NOL4L: variants seen among roughly 807,000 people sequenced by gnomAD.
NOL4L encodes nucleolar protein 4-like.
NOL4L carries 7 observed loss-of-function variants against 64.5 expected under a neutral mutation model. That is an observed-to-expected ratio of 0.11 (90% CI 0.06 to 0.20). NOL4L has a LOEUF of 0.20. Among genes scored for constraint, NOL4L ranks in the 10% least tolerant of loss-of-function variants. The probability of loss-of-function intolerance (pLI) is 1.00; values close to 1 mark genes in which losing one functional copy is unlikely to be tolerated. For synonymous variants in NOL4L, 413 were observed against 401.0 expected, an observed-to-expected ratio of 1.03 and a Z score of -0.36; for missense variants, 680 against 967.1, an observed-to-expected ratio of 0.70 and a Z score of 3.94.
At chr20:32,581,193 T>C (rs1307516804) in intron 1 of NOL4L, among the ~76,000 whole-genome samples, 1 of 152,162 alleles carries the variant, frequency 6.6e-6, no homozygotes, top group African/African-American at 2.4e-5. Flanking sequence ...CACCTTCTAC[T>C]TCCTGTGACA....
At position 32,511,434 on chromosome 20, in the gene NOL4L, C is replaced by G. The variant is rs767404361; in HGVS notation, c.612G>C (p.Leu204=). ...TGTTGTAATCAATAATCCCAGAGACCAGTGGAGATGGAGGCTCGTTTTCTG... is the reference window on the plus strand; with the variant it reads ...TGTTGTAATCAATAATCCCAGAGACGAGTGGAGATGGAGGCTCGTTTTCTG... ...EPKENEPPSP[L]VSGIIDYNMP... The change falls in exon 4 of 11, where the codon CTG becomes CTC. Residue 204 remains leucine (L), a synonymous_variant. Transcript: ENST00000621426. 1.3e-6 allele frequency: 2 copies of G among 1,550,124 alleles called. No individual in the cohort carries two copies. Among genetic ancestry groups the G allele is most frequent in the Non-Finnish European group, 1.7e-6 (2 of 1,146,756 alleles).
rs562182267 is a variant in NOL4L, at chr20:32,560,927, G to A, written c.321+23643C>T. On this transcript the variant is annotated intron_variant, in intron 1 of 10. Coordinates refer to ENST00000621426, the MANE Select transcript of NOL4L (RefSeq NM_001256798.2). ...TTCTCACGCAGTGCCTGCCGGAGGG[G>A]CCTCATGTCCCCAGCAGGGCCGGAG... Among the ~76,000 whole-genome samples the A allele has an allele frequency of 7.9e-5, 12 of 152,372 alleles. No homozygotes were observed. In the South Asian group the frequency reaches 2.5e-3, roughly 32 times the overall value.
rs1446775542 is a variant in NOL4L, at chr20:32,557,597, A to C, written c.321+26973T>G. On this transcript the variant is annotated intron_variant, in intron 1 of 10. Coordinates refer to ENST00000621426, the MANE Select transcript of NOL4L (RefSeq NM_001256798.2). ...GGGCAGGGGGCAAACTCAGACAATG[A>C]CTAGTTCCTCCTAGCGCTAAAAATG... 2.0e-5 allele frequency among the ~76,000 whole-genome samples: 3 copies of C among 152,192 alleles called. No homozygotes were observed. The South Asian group carries it at 6.2e-4, about 32-fold the overall frequency.
chr20:32,484,396 T>G (rs1360088767), intron 4 of NOL4L, among the ~76,000 whole-genome samples: 1 of 138,254 alleles, frequency 7.2e-6, no homozygotes, highest in Non-Finnish European at 1.6e-5. Context: ...CGGCTGCCCC[T>G]CCGCGCCCCT....
chr20:32,520,933 G>A lies in NOL4L; in HGVS notation c.478-11C>T. The A allele has an allele frequency of 6.5e-7, 1 of 1,535,642 alleles. No homozygotes were observed. Among genetic ancestry groups the A allele is most frequent in the South Asian group, 1.2e-5 (1 of 83,440 alleles). ...ATAGGTCTCTGCGATCTGGAGGAGA[G>A]AAGAGCTTCGCTTGTTATATGGATC... On this transcript the variant is annotated splice_polypyrimidine_tract_variant and intron_variant, in intron 2 of 10. Transcript: ENST00000621426.
intron 1 of NOL4L, among the ~76,000 whole-genome samples, chr20:32,583,151 G>A (rs990638360): frequency 6.6e-6 from 1 of 151,752 alleles, no homozygotes; most frequent in Non-Finnish European, 1.5e-5. Context: ...GCCGCAGCGC[G>A]GTTATCAGCG....
At chr20:32,502,922 T>A (rs2145540556) in intron 4 of NOL4L, among the ~76,000 whole-genome samples, 1 of 151,890 alleles carries the variant, frequency 6.6e-6, no homozygotes, top group African/African-American at 2.4e-5. Flanking sequence ...AAATAAAAAA[T>A]AAACATAAAA....
intron 1 of NOL4L, among the ~76,000 whole-genome samples, chr20:32,540,353 A>G (rs998503720): frequency 6.6e-6 from 1 of 152,238 alleles, no homozygotes; most frequent in African/African-American, 2.4e-5. Flanking sequence ...TGTGACTGTC[A>G]CACACAGTTA....
intron 5 of NOL4L, among the ~76,000 whole-genome samples, chr20:32,466,642 G>C (rs1271597003): frequency 7.4e-6 from 1 of 135,022 alleles, no homozygotes; most frequent in Non-Finnish European, 1.5e-5. Flanking sequence ...AACAGCTCTT[G>C]CTCCTGGGGT....
chr20:32,514,506 G>A (rs67918653), intron 3 of NOL4L, among the ~76,000 whole-genome samples: 38,734 of 150,984 alleles, frequency 0.26, 6,327 homozygotes, highest in East Asian at 0.76. Flanking sequence ...AAAAAAAAAA[G>A]TAAATGTCAC....
intron 1 of NOL4L, among the ~76,000 whole-genome samples, chr20:32,574,081 C>T (rs1979932290): frequency 6.6e-6 from 1 of 152,196 alleles, no homozygotes; most frequent in South Asian, 2.1e-4. Flanking sequence ...CCCCCTTATA[C>T]AGAAGGGGTC....
Position 32,452,305 on chromosome 20 carries a change from G to A in NOL4L, c.1753C>T (p.Arg585Cys), listed in dbSNP as rs1305862949. 1.9e-6 allele frequency: 3 copies of A among 1,608,178 alleles called. No individual in the cohort carries two copies. The highest frequency in any genetic ancestry group is 1.7e-5 in the Admixed American group (1 of 59,314). The change falls in exon 10 of 11, where the codon CGC becomes TGC. Residue 585 changes from arginine to cysteine, a missense_variant. By Grantham distance (180) the Arg-to-Cys change is radical. Transcript: ENST00000621426. ...YANGGLNYSY[R>C]GYGALSSNLQ... ...TTGCTGCTCAAGGCCCCGTACCCGC[G>A]GTAACTGTAGTTGAGGCCGCCGTTG...
At position 32,456,062 on chromosome 20, in the gene NOL4L, C is replaced by T. The variant is rs1285915801; in HGVS notation, c.1119+56G>A. ...CTCTGGGCGTATACAATTTCATTCT[C>T]GCCTCGCGACAGCCCTTTACAGAAA... On this transcript the variant is annotated intron_variant, in intron 6 of 10. Coordinates refer to ENST00000621426, the MANE Select transcript of NOL4L (RefSeq NM_001256798.2). The T allele has an allele frequency of 5.5e-6, 8 of 1,442,438 alleles. No homozygotes were observed. In the Admixed American group the frequency reaches 1.3e-4, roughly 24 times the overall value. The allele number at this position is 1,442,438 out of a possible 1,614,324, so 89.4% of individuals were successfully genotyped here. A position where few individuals can be genotyped will look rare whatever the true frequency, so the allele number is the denominator to read the frequency against.
intron 3 of NOL4L, among the ~76,000 whole-genome samples, chr20:32,517,289 C>G (rs920794439): frequency 1.3e-5 from 2 of 152,236 alleles, no homozygotes; most frequent in African/African-American, 4.8e-5. Context: ...GTCCCCGCTC[C>G]CTCCCACCTT....
intron 1 of NOL4L, among the ~76,000 whole-genome samples, chr20:32,545,226 T>C (rs1389007906): frequency 6.6e-6 from 1 of 152,184 alleles, no homozygotes; most frequent in Non-Finnish European, 1.5e-5. Flanking sequence ...TGAGTTATAA[T>C]AGTGCCACTA....
intron 1 of NOL4L, among the ~76,000 whole-genome samples, chr20:32,552,379 T>A (rs1978357166): frequency 7.7e-6 from 1 of 130,164 alleles, no homozygotes; most frequent in Non-Finnish European, 1.7e-5. Context: ...CTTGATTAAT[T>A]TTTTTTTTTT....
intron 10 of NOL4L, among the ~76,000 whole-genome samples, chr20:32,450,576 G>A (rs2012788082): frequency 6.6e-6 from 1 of 152,232 alleles, no homozygotes; most frequent in Non-Finnish European, 1.5e-5. Context: ...CTCTTGGGCA[G>A]GTGTGAACGG....
rs188568410 is a variant in NOL4L at position 32,523,666 on chromosome 20, C to T, written c.478-2744G>A. The stretch of plus-strand genomic sequence containing the variant: ...AAACATGAAACAGATAAAGACAGAG[C>T]TGCTGTGTCTAAGGAGGGGAAGTTC... On this transcript the variant is annotated intron_variant, in intron 2 of 10. Transcript: ENST00000621426. Among the ~76,000 whole-genome samples the T allele has an allele frequency of 9.8e-5, 15 of 152,356 alleles. No individual in the cohort carries two copies. In the East Asian group the frequency reaches 2.7e-3, roughly 27 times the overall value.
intron 4 of NOL4L, chr20:32,483,427 A>G: frequency 1.0e-6 from 1 of 986,672 alleles, no homozygotes; most frequent in Non-Finnish European, 1.2e-6. Context: ...GGCGGCGGTG[A>G]CAGCCCCACA....
Sources: allele counts gnomAD v4.1 joint callset (sites outside exome capture counted in the v4.1 genomes callset), GRCh38; gene constraint gnomAD v4.1.1; transcripts MANE v1.5; gene names NCBI Gene and HGNC (gene_info 2026-07-23, HGNC 2026-07-21).